The following ROR1 variants were observed in gnomAD, a reference collection of about 807,000 sequenced individuals.
ROR1 encodes the protein inactive tyrosine-protein kinase transmembrane receptor ROR1.
ROR1 carries 19 observed loss-of-function variants against 78.8 expected under a neutral mutation model. The ratio of observed to expected loss-of-function variants is 0.24; its 90% confidence interval spans 0.17 to 0.35. The LOEUF (loss-of-function observed/expected upper bound fraction) is 0.35. ROR1 is among the 10% of genes least tolerant of loss of function. The probability of loss-of-function intolerance (pLI) is 1.00; values close to 1 mark genes in which losing one functional copy is unlikely to be tolerated. For synonymous variants in ROR1, 386 were observed against 433.6 expected (o/e 0.89, Z 1.36); for missense variants, 917 against 1,177.8 (o/e 0.78, Z 3.24).
chr1:64,024,936 G>T lies in ROR1; in HGVS notation c.163+15560G>T, dbSNP rs376493338. ...TTTCTCATTCTACTATTAAGATACTGATCTTTTGTTTGAAATCTGCATTTT... is the reference window on the plus strand; with the variant it reads ...TTTCTCATTCTACTATTAAGATACTTATCTTTTGTTTGAAATCTGCATTTT... On this transcript the variant is annotated intron_variant, in intron 2 of 8. Coordinates refer to ENST00000371079, the MANE Select transcript of ROR1 (RefSeq NM_005012.4). 2.2e-4 allele frequency among the ~76,000 whole-genome samples: 33 copies of T among 152,122 alleles called. 2 individuals are homozygous for T. Among genetic ancestry groups the T allele is most frequent in the Admixed American group, 1.1e-3 (17 of 15,284 alleles).
intron 4 of ROR1, among the ~76,000 whole-genome samples, chr1:64,057,325 A>G (rs138299135): frequency 8.5e-5 from 13 of 152,324 alleles, no homozygotes; most frequent in African/African-American, 3.1e-4. Context: ...CTATGTGTCT[A>G]TCCCTATTCA....
intron 1 of ROR1, among the ~76,000 whole-genome samples, chr1:63,836,952 C>G (rs1645021844): frequency 6.6e-6 from 1 of 152,200 alleles, no homozygotes; most frequent in African/African-American, 2.4e-5. Context: ...TTTGAATTAT[C>G]TGTTAACCAG....
At chr1:64,011,571 G>C (rs1367217772) in intron 2 of ROR1, among the ~76,000 whole-genome samples, 1 of 152,190 alleles carries the variant, frequency 6.6e-6, no homozygotes, top group Non-Finnish European at 1.5e-5. Context: ...GACCAGCACT[G>C]TAATTAGTAG....
chr1:63,882,799 A>G (rs751225538), intron 1 of ROR1, among the ~76,000 whole-genome samples: 13 of 152,180 alleles, frequency 8.5e-5, no homozygotes, highest in Non-Finnish European at 1.3e-4. Flanking sequence ...CTACTACAAA[A>G]GGAGTGTTCA....
chr1:64,068,301 A>G (rs1646974886), intron 4 of ROR1, among the ~76,000 whole-genome samples: 1 of 152,222 alleles, frequency 6.6e-6, no homozygotes, highest in Non-Finnish European at 1.5e-5. Context: ...GTTCATATGC[A>G]ACATAGTATC....
chr1:63,897,481 C>T (rs987814898), intron 1 of ROR1, among the ~76,000 whole-genome samples: 6 of 152,008 alleles, frequency 3.9e-5, no homozygotes, highest in Admixed American at 6.6e-5. Flanking sequence ...TTAGTGAAAT[C>T]GAGGCTATGT....
intron 2 of ROR1, among the ~76,000 whole-genome samples, chr1:64,036,246 T>C (rs1646701099): frequency 6.6e-6 from 1 of 152,130 alleles, no homozygotes; most frequent in Admixed American, 6.6e-5. Flanking sequence ...CCTAGTGCCA[T>C]CCATCCATCC....
intron 1 of ROR1, among the ~76,000 whole-genome samples, chr1:63,831,826 T>C (rs144005245): frequency 1.8e-3 from 279 of 152,366 alleles, no homozygotes; most frequent in Admixed American, 4.4e-3. Flanking sequence ...TTCTAAACTT[T>C]TCTACTCTGC....
intron 1 of ROR1, among the ~76,000 whole-genome samples, chr1:63,795,073 C>T (rs895865482): frequency 6.6e-6 from 1 of 152,166 alleles, no homozygotes; most frequent in Non-Finnish European, 1.5e-5. Context: ...TGGAACCCTG[C>T]ATCCAGGGAA....
At chr1:63,960,394 G>T (rs1439029988) in intron 1 of ROR1, among the ~76,000 whole-genome samples, 2 of 152,182 alleles carry the variant, frequency 1.3e-5, no homozygotes, top group African/African-American at 4.8e-5. Flanking sequence ...GGTCAAGACC[G>T]TCAAGGGAGA....
At chr1:64,052,191 T>G (rs1203756639) in intron 4 of ROR1, among the ~76,000 whole-genome samples, 1 of 152,076 alleles carries the variant, frequency 6.6e-6, no homozygotes, top group Non-Finnish European at 1.5e-5. Context: ...TCTGCTTTTT[T>G]TTTTTTTTTT....
At chr1:63,877,165 A>G (rs1206532598) in intron 1 of ROR1, among the ~76,000 whole-genome samples, 1 of 152,152 alleles carries the variant, frequency 6.6e-6, no homozygotes, top group African/African-American at 2.4e-5. Flanking sequence ...AGTTTTGTTC[A>G]TATTCAGCTA....
chr1:63,996,337 T>C (rs534288713), intron 1 of ROR1, among the ~76,000 whole-genome samples: 17 of 152,322 alleles, frequency 1.1e-4, no homozygotes, highest in African/African-American at 4.1e-4. Context: ...TATGCTCTGC[T>C]AATGTTTTCC....
At chr1:63,977,102 T>A (rs1646167651) in intron 1 of ROR1, among the ~76,000 whole-genome samples, 1 of 152,058 alleles carries the variant, frequency 6.6e-6, no homozygotes, top group South Asian at 2.1e-4. Flanking sequence ...CCATCAGATC[T>A]CATGGGAACT....
At chr1:63,970,375 T>G (rs1460220594) in intron 1 of ROR1, among the ~76,000 whole-genome samples, 1 of 152,214 alleles carries the variant, frequency 6.6e-6, no homozygotes, top group Non-Finnish European at 1.5e-5. Context: ...AAATATTGAT[T>G]AAAAGATAAA....
intron 2 of ROR1, among the ~76,000 whole-genome samples, chr1:64,045,235 A>G (rs1021053756): frequency 4.6e-5 from 7 of 152,098 alleles, no homozygotes; most frequent in Non-Finnish European, 1.0e-4. Flanking sequence ...GCGAAGCCAG[A>G]TTTTCTTCAA....
At chr1:64,095,721 A>G (rs986414999) in intron 4 of ROR1, among the ~76,000 whole-genome samples, 1 of 152,200 alleles carries the variant, frequency 6.6e-6, no homozygotes, top group Non-Finnish European at 1.5e-5. Flanking sequence ...ATTAGAAATT[A>G]GACATAAAAC....
Position 64,157,034 on chromosome 1 carries a change from T to G in ROR1, c.1175-1947T>G, listed in dbSNP as rs1296779575. Among the ~76,000 whole-genome samples the G allele has an allele frequency of 2.0e-5, 3 of 152,320 alleles. No homozygotes were observed. In the East Asian group the frequency reaches 5.8e-4, roughly 29 times the overall value. On this transcript the variant is annotated intron_variant, in intron 7 of 8. Transcript: ENST00000371079. ...AAGGATGTCATCTACCTTATAGAGTTGGTTGTGACATAAAATGAGTTTATG... is the reference window on the plus strand; with the variant it reads ...AAGGATGTCATCTACCTTATAGAGTGGGTTGTGACATAAAATGAGTTTATG...
chr1:63,908,829 G>A (rs1384457377), intron 1 of ROR1, among the ~76,000 whole-genome samples: 2 of 152,140 alleles, frequency 1.3e-5, no homozygotes, highest in East Asian at 1.9e-4. Context: ...GGCCTGATCC[G>A]GCCCCTACCA....
Sources: gnomAD v4.1 joint callset for allele counts (sites outside exome capture counted in the v4.1 genomes callset) on GRCh38, gnomAD v4.1.1 for gene constraint, MANE v1.5 for transcripts, NCBI Gene and HGNC (gene_info 2026-07-23, HGNC 2026-07-21) for gene names.